The following LRP1B variants were observed in gnomAD, a reference collection of about 807,000 sequenced individuals.
The protein encoded by LRP1B is LDL receptor related protein 1B, also known as low-density lipoprotein receptor-related protein 1B.
LRP1B carries 217 observed loss-of-function variants against 556.6 expected under a neutral mutation model. The observed-to-expected ratio is 0.39, with a 90% CI of 0.35 to 0.44. LRP1B has a LOEUF of 0.44. LRP1B is among the 20% of genes least tolerant of loss of function. The probability of loss-of-function intolerance (pLI) is 1.00; values close to 1 mark genes in which losing one functional copy is unlikely to be tolerated. For missense variants in LRP1B, 5,053 were observed against 5,620.8 expected (o/e 0.90, Z 3.23); for synonymous variants, 2,047 against 1,865.8 (o/e 1.10, Z -2.50).
At chr2:141,515,336 T>G (rs981381538) in intron 2 of LRP1B, among the ~76,000 whole-genome samples, 3 of 149,918 alleles carry the variant, frequency 2.0e-5, no homozygotes, top group Non-Finnish European at 4.4e-5. Context: ...CCATGTCCCA[T>G]GAAGGACATA....
chr2:140,645,817 C>CGTGA (rs1428963164), intron 41 of LRP1B, among the ~76,000 whole-genome samples: 1 of 151,896 alleles, frequency 6.6e-6, no homozygotes, highest in African/African-American at 2.4e-5. Context: ...GGATTACAAG[C>CGTGA]GTGAGCCATC....
intron 15 of LRP1B, among the ~76,000 whole-genome samples, chr2:140,997,581 C>T (rs897058055): frequency 2.0e-5 from 3 of 151,840 alleles, no homozygotes; most frequent in Admixed American, 2.0e-4. Flanking sequence ...TGATGCTTTG[C>T]TGTCAACTGC....
chr2:140,870,101 T>G (rs559180054), intron 25 of LRP1B, among the ~76,000 whole-genome samples: 1 of 151,698 alleles, frequency 6.6e-6, no homozygotes, highest in East Asian at 1.9e-4. Flanking sequence ...AACCCCTCCC[T>G]TGGAATCTCA....
chr2:140,463,251 G>A (rs1429014298), intron 60 of LRP1B, among the ~76,000 whole-genome samples: 1 of 152,110 alleles, frequency 6.6e-6, no homozygotes, highest in Non-Finnish European at 1.5e-5. Context: ...AATGGCCAGG[G>A]TAGGCTAATC....
chr2:140,424,838 A>G (rs555765810), intron 66 of LRP1B, among the ~76,000 whole-genome samples: 2 of 152,358 alleles, frequency 1.3e-5, no homozygotes, highest in South Asian at 2.1e-4. Context: ...CTGCCTTTAG[A>G]AAAGTTCAGT....
At chr2:140,269,557 T>G (rs1040629482) in intron 86 of LRP1B, among the ~76,000 whole-genome samples, 1 of 152,006 alleles carries the variant, frequency 6.6e-6, no homozygotes, top group Non-Finnish European at 1.5e-5. Flanking sequence ...GGGAGCAGGA[T>G]GCAGATGTGG....
At chr2:141,190,784 T>A (rs753999102) in intron 6 of LRP1B, among the ~76,000 whole-genome samples, 59 of 152,120 alleles carry the variant, frequency 3.9e-4, no homozygotes, top group African/African-American at 4.1e-4. Flanking sequence ...ATTCACTGAC[T>A]AAACAGAGTG....
chr2:140,380,520 AATTT>A (rs1341431190), intron 67 of LRP1B, among the ~76,000 whole-genome samples: 2 of 152,216 alleles, frequency 1.3e-5, no homozygotes, highest in African/African-American at 4.8e-5. Context: ...AAATATGTTC[AATTT>A]ATTTAACAAT....
At chr2:140,766,859 T>TATATATAATATATATATA in intron 35 of LRP1B, among the ~76,000 whole-genome samples, 1 of 50,208 alleles carries the variant, frequency 2.0e-5, no homozygotes, top group African/African-American at 4.5e-5. Context: ...TATATATATA[T>TATATATAATATATATATA]ATATATAATA....
intron 3 of LRP1B, among the ~76,000 whole-genome samples, chr2:141,358,040 T>C (rs1192639158): frequency 6.6e-6 from 1 of 152,216 alleles, no homozygotes; most frequent in Non-Finnish European, 1.5e-5. Context: ...ATTTCTCCTA[T>C]TCAGAATGTA....
At chr2:140,560,293 T>G (rs1680882583) in intron 43 of LRP1B, among the ~76,000 whole-genome samples, 1 of 152,146 alleles carries the variant, frequency 6.6e-6, no homozygotes, top group Non-Finnish European at 1.5e-5. Flanking sequence ...ATGTAATGTG[T>G]GATCCAGGAT....
At position 141,590,135 on chromosome 2, in the gene LRP1B, A is replaced by C. The variant is rs186608455; in HGVS notation, c.206-109602T>G. Among the ~76,000 whole-genome samples the C allele has an allele frequency of 3.3e-5, 5 of 152,280 alleles. No homozygotes were observed. The East Asian group carries it at 9.7e-4, about 29-fold the overall frequency. On this transcript the variant is annotated intron_variant, in intron 2 of 90. Coordinates refer to ENST00000389484, the MANE Select transcript of LRP1B (RefSeq NM_018557.3). ...TATTTTTACTTGATTCTACCCAGGC[A>C]GGAAAGTACCCTACCACTTCACAGC... is the stretch of plus-strand genomic sequence containing the variant.
chr2:141,164,298 T>C (rs2017825), intron 7 of LRP1B, among the ~76,000 whole-genome samples: 5,732 of 152,102 alleles, frequency 0.038, 123 homozygotes, highest in Non-Finnish European at 0.041. Context: ...ATTATTTGAC[T>C]CTACGGTAAT....
intron 82 of LRP1B, among the ~76,000 whole-genome samples, chr2:140,320,886 TACACACAC>T (rs59640913): frequency 1.3e-5 from 2 of 150,898 alleles, no homozygotes; most frequent in Non-Finnish European, 3.0e-5. Context: ...CTACTAAAAA[TACACACAC>T]ACACACACAA....
At chr2:140,614,496 C>T (rs1466252401) in intron 41 of LRP1B, among the ~76,000 whole-genome samples, 1 of 151,966 alleles carries the variant, frequency 6.6e-6, no homozygotes, top group South Asian at 2.1e-4. Context: ...AAAGAATATT[C>T]AGGGAAAAAT....
intron 1 of LRP1B, among the ~76,000 whole-genome samples, chr2:142,100,557 C>A (rs1706536278): frequency 6.6e-6 from 1 of 151,956 alleles, no homozygotes; most frequent in Non-Finnish European, 1.5e-5. Context: ...ATTTATGATT[C>A]ATTTTAACTC....
chr2:140,541,746 G>GA (rs775284898), intron 44 of LRP1B, 33 bp downstream of exon 44: 2 of 1,511,724 alleles, frequency 1.3e-6, no homozygotes, highest in Admixed American at 3.4e-5. Context: ...ATTATACAAT[G>GA]AAAAAACACA....
chr2:140,988,085 A>G (rs1293131934), intron 17 of LRP1B, among the ~76,000 whole-genome samples: 2 of 152,140 alleles, frequency 1.3e-5, no homozygotes, highest in Non-Finnish European at 2.9e-5. Context: ...CATACCTAAA[A>G]TTCTAGCTAA....
intron 29 of LRP1B, among the ~76,000 whole-genome samples, chr2:140,846,716 A>AC (rs1468086006): frequency 6.6e-6 from 1 of 152,122 alleles, no homozygotes; most frequent in Non-Finnish European, 1.5e-5. Flanking sequence ...AAGAAGCCCA[A>AC]TAGAGAGACG....
Sources: allele counts gnomAD v4.1 joint callset (sites outside exome capture counted in the v4.1 genomes callset), GRCh38; gene constraint gnomAD v4.1.1; transcripts MANE v1.5; gene names NCBI Gene and HGNC (gene_info 2026-07-23, HGNC 2026-07-21).